The following ST6GALNAC3 variants were observed in gnomAD, a reference collection of about 807,000 sequenced individuals.
The protein encoded by ST6GALNAC3 is alpha-N-acetylgalactosaminide alpha-2,6-sialyltransferase 3.
Under a neutral mutation model 32.7 loss-of-function variants are expected in ST6GALNAC3, and 25 were observed. The observed-to-expected ratio is 0.76, with a 90% CI of 0.56 to 1.07. The LOEUF (loss-of-function observed/expected upper bound fraction) is 1.07. Ranked by LOEUF, ST6GALNAC3 falls within the 50% of genes least tolerant of loss-of-function variation. The probability of loss-of-function intolerance (pLI) is 0.00; values close to 1 mark genes in which losing one functional copy is unlikely to be tolerated. For missense variants in ST6GALNAC3, 355 were observed against 382.4 expected (o/e 0.93, Z 0.60); for synonymous variants, 129 against 133.1 (o/e 0.97, Z 0.21).
intron 1 of ST6GALNAC3, among the ~76,000 whole-genome samples, chr1:76,089,025 A>C (rs1304597809): frequency 6.6e-6 from 1 of 151,766 alleles, no homozygotes; most frequent in Non-Finnish European, 1.5e-5. Context: ...ATGGGGAAAC[A>C]CTAAAGGATT....
intron 1 of ST6GALNAC3, among the ~76,000 whole-genome samples, chr1:76,288,401 G>A (rs1239521101): frequency 6.6e-6 from 1 of 152,172 alleles, no homozygotes; most frequent in Non-Finnish European, 1.5e-5. Flanking sequence ...CTACATCAGA[G>A]ACCAGTCTCC....
chr1:76,502,635 C>A (rs1014569420), intron 3 of ST6GALNAC3, among the ~76,000 whole-genome samples: 1 of 152,138 alleles, frequency 6.6e-6, no homozygotes, highest in East Asian at 1.9e-4. Context: ...TCCTAACAAC[C>A]AAGTAAGTTA....
At chr1:76,550,173 A>G (rs1664538521) in intron 3 of ST6GALNAC3, among the ~76,000 whole-genome samples, 1 of 152,200 alleles carries the variant, frequency 6.6e-6, no homozygotes, top group South Asian at 2.1e-4. Context: ...TTCAATTTTA[A>G]TATCATACAA....
At chr1:76,282,899 C>T (rs896598601) in intron 1 of ST6GALNAC3, among the ~76,000 whole-genome samples, 2 of 151,264 alleles carry the variant, frequency 1.3e-5, no homozygotes, top group Non-Finnish European at 2.9e-5. Context: ...ATTAGTTGGG[C>T]CTGGTGGCAC....
Position 76,267,504 on chromosome 1 carries a change from T to G in ST6GALNAC3, c.19-46301T>G, listed in dbSNP as rs142686513. Among the ~76,000 whole-genome samples the G allele has an allele frequency of 2.1e-4, 32 of 152,344 alleles. No homozygotes were observed. In the East Asian group the frequency reaches 4.8e-3, roughly 23 times the overall value. On this transcript the variant is annotated intron_variant, in intron 1 of 4. Transcript: ENST00000328299. Reference sequence around the variant, plus strand: ...CACTGCATTTTTTTACCACGTTTTCTTCAGAGTCTATCTGAAAATGAAATA... The same window carrying G: ...CACTGCATTTTTTTACCACGTTTTCGTCAGAGTCTATCTGAAAATGAAATA...
chr1:76,115,024 C>G (rs1648363708), intron 1 of ST6GALNAC3, among the ~76,000 whole-genome samples: 1 of 151,984 alleles, frequency 6.6e-6, no homozygotes, highest in African/African-American at 2.4e-5. Flanking sequence ...AGTGTGAGTT[C>G]ATACCCACAA....
At chr1:76,103,111 T>G (rs185733844) in intron 1 of ST6GALNAC3, among the ~76,000 whole-genome samples, 383 of 151,918 alleles carry the variant, frequency 2.5e-3, no homozygotes, top group Non-Finnish European at 4.4e-3. Context: ...TTTTAGTTTT[T>G]TTTTTTTTTT....
chr1:76,448,846 C>CT (rs1290953169), intron 3 of ST6GALNAC3, among the ~76,000 whole-genome samples: 3 of 152,018 alleles, frequency 2.0e-5, no homozygotes, highest in Non-Finnish European at 2.9e-5. Context: ...TTGGGTATGT[C>CT]TTTTTTTGTT....
chr1:76,479,925 T>C (rs994736995), intron 3 of ST6GALNAC3, among the ~76,000 whole-genome samples: 1 of 151,926 alleles, frequency 6.6e-6, no homozygotes, highest in East Asian at 1.9e-4. Flanking sequence ...AACAAAAAAA[T>C]AAAAAGCAAA....
rs139100221 is a variant in ST6GALNAC3 at position 76,531,151 on chromosome 1, C to T, written c.624-96301C>T. 9.3e-4 allele frequency among the ~76,000 whole-genome samples: 141 copies of T among 152,320 alleles called. 3 individuals carry two copies. The East Asian group carries it at 0.025, about 27-fold the overall frequency. ...TGAGAAGCCACAGAGCCAGCCTACT[C>T]GTGTCTCCAAGTTGCTATTCCAGTG... On this transcript the variant is annotated intron_variant, in intron 3 of 4. Coordinates refer to ENST00000328299, the MANE Select transcript of ST6GALNAC3 (RefSeq NM_152996.4).
intron 1 of ST6GALNAC3, among the ~76,000 whole-genome samples, chr1:76,112,233 C>T (rs1262304263): frequency 7.1e-6 from 1 of 141,450 alleles, no homozygotes; most frequent in African/African-American, 2.7e-5. Flanking sequence ...GGCGGCTGGC[C>T]GGGCGGGGGG....
chr1:76,518,418 G>T (rs1051367776), intron 3 of ST6GALNAC3, among the ~76,000 whole-genome samples: 1 of 151,858 alleles, frequency 6.6e-6, no homozygotes, highest in African/African-American at 2.4e-5. Flanking sequence ...TGTAATGATC[G>T]AAATATTTAA....
chr1:76,606,226 A>C (rs1341161807), intron 3 of ST6GALNAC3, among the ~76,000 whole-genome samples: 3 of 152,312 alleles, frequency 2.0e-5, no homozygotes, highest in African/African-American at 7.2e-5. Flanking sequence ...GTATATACCC[A>C]AATAAATATA....
intron 1 of ST6GALNAC3, among the ~76,000 whole-genome samples, chr1:76,113,169 C>T (rs1648194028): frequency 6.6e-6 from 1 of 151,974 alleles, no homozygotes; most frequent in Non-Finnish European, 1.5e-5. Context: ...AACCCCGTCT[C>T]CACCAAAAAA....
intron 2 of ST6GALNAC3, among the ~76,000 whole-genome samples, chr1:76,325,742 T>C (rs891002619): frequency 6.7e-6 from 1 of 149,912 alleles, no homozygotes; most frequent in African/African-American, 2.4e-5. Flanking sequence ...TTTACAATTA[T>C]TATTACTATT....
rs1251092618 is a variant in ST6GALNAC3, at chr1:76,479,015, G to A, written c.623+66598G>A. On this transcript the variant is annotated intron_variant, in intron 3 of 4. Coordinates refer to ENST00000328299, the MANE Select transcript of ST6GALNAC3 (RefSeq NM_152996.4). ...CCTGACCTTGTGATCTGCCCACCTT[G>A]GCCTCCCAAAGTGCTGGGATTACAG... is the stretch of plus-strand genomic sequence containing the variant. 3.3e-5 allele frequency among the ~76,000 whole-genome samples: 5 copies of A among 151,934 alleles called. No homozygotes were observed. The South Asian group carries it at 6.3e-4, about 19-fold the overall frequency.
intron 1 of ST6GALNAC3, among the ~76,000 whole-genome samples, chr1:76,277,292 G>T (rs999321272): frequency 6.6e-6 from 1 of 151,602 alleles, no homozygotes; most frequent in African/African-American, 2.4e-5. Flanking sequence ...ATATATTTGG[G>T]CAATGTGGTA....
At chr1:76,600,013 G>T (rs145387259) in intron 3 of ST6GALNAC3, among the ~76,000 whole-genome samples, 73 of 152,268 alleles carry the variant, frequency 4.8e-4, no homozygotes, top group African/African-American at 1.7e-3. Flanking sequence ...GAATGTTTGT[G>T]TACCCTTAAC....
intron 1 of ST6GALNAC3, among the ~76,000 whole-genome samples, chr1:76,270,166 G>T (rs997751540): frequency 2.6e-5 from 4 of 152,088 alleles, no homozygotes; most frequent in Admixed American, 6.5e-5. Flanking sequence ...TTTTTACTCT[G>T]GTTGTCCCAA....
Sources: allele counts gnomAD v4.1 joint callset (sites outside exome capture counted in the v4.1 genomes callset), GRCh38; gene constraint gnomAD v4.1.1; transcripts MANE v1.5; gene names NCBI Gene and HGNC (gene_info 2026-07-23, HGNC 2026-07-21).